The following ALK variants were observed in gnomAD, a reference collection of about 807,000 sequenced individuals.
ALK encodes ALK tyrosine kinase receptor.
ALK carries 74 observed loss-of-function variants against 163.1 expected under a neutral mutation model. That is an observed-to-expected ratio of 0.45 (90% CI 0.38 to 0.55). The LOEUF is 0.55. Ranked by LOEUF, ALK falls within the 20% of genes least tolerant of loss-of-function variation. The pLI, the probability that ALK is intolerant of heterozygous loss-of-function variation, is 0.00. For missense variants in ALK, 2,063 were observed against 2,105.3 expected, an observed-to-expected ratio of 0.98 and a Z score of 0.39; for synonymous variants, 960 against 843.2, an observed-to-expected ratio of 1.14 and a Z score of -2.40.
Position 29,220,748 on chromosome 2 carries a change from C to G in ALK, c.3603G>C (p.Gly1201=), listed in dbSNP as rs775693375. 1.2e-6 allele frequency: 2 copies of G among 1,613,778 alleles called. No homozygotes were observed. Among genetic ancestry groups the G allele is most frequent in the East Asian group, 4.5e-5 (2 of 44,898 alleles). The change falls in exon 23 of 29, where the codon GGG becomes GGC. Residue 1201 remains glycine (G), a synonymous_variant. Transcript: ENST00000389048. ...PRFILLELMA[G]GDLKSFLRET... is the part of the protein sequence containing the mutation. ...CTCGGAGGAAGGACTTGAGGTCTCC[C>G]CCCGCCATGAGCTCCAGCAGGATGA...
At chr2:29,301,260 G>A (rs909985211) in intron 8 of ALK, among the ~76,000 whole-genome samples, 2 of 151,990 alleles carry the variant, frequency 1.3e-5, no homozygotes, top group African/African-American at 4.8e-5. Flanking sequence ...TCCTTTTCAG[G>A]AGGCCTTTTT....
chr2:29,844,305 G>A (rs1362214973), intron 1 of ALK, among the ~76,000 whole-genome samples: 1 of 152,206 alleles, frequency 6.6e-6, no homozygotes, highest in Non-Finnish European at 1.5e-5. Context: ...GATGGGGGCA[G>A]AGAGAATGAG....
At chr2:29,694,378 A>C (rs909866818) in intron 3 of ALK, among the ~76,000 whole-genome samples, 3 of 152,262 alleles carry the variant, frequency 2.0e-5, no homozygotes, top group Non-Finnish European at 4.4e-5. Context: ...CAGATCTGGC[A>C]GTAAAAATAA....
At chr2:29,391,052 G>A (rs377740270) in intron 4 of ALK, among the ~76,000 whole-genome samples, 79 of 152,218 alleles carry the variant, frequency 5.2e-4, no homozygotes, top group African/African-American at 1.8e-3. Flanking sequence ...GGCTCTGTAG[G>A]GGGGGCCAAG....
At chr2:29,657,120 A>G (rs550032167) in intron 3 of ALK, among the ~76,000 whole-genome samples, 1 of 152,184 alleles carries the variant, frequency 6.6e-6, no homozygotes, top group South Asian at 2.1e-4. Context: ...CCTGCCACCC[A>G]CTTCTTGGTG....
intron 4 of ALK, among the ~76,000 whole-genome samples, chr2:29,454,869 A>G: frequency 1.3e-5 from 2 of 152,298 alleles, no homozygotes; most frequent in South Asian, 2.1e-4. Context: ...GTTATATACT[A>G]TTAAAATTAA....
intron 4 of ALK, among the ~76,000 whole-genome samples, chr2:29,397,548 C>G (rs1407674434): frequency 6.6e-6 from 1 of 152,220 alleles, no homozygotes; most frequent in Admixed American, 6.5e-5. Flanking sequence ...TCAAAACCAT[C>G]CCCACTAACT....
intron 1 of ALK, among the ~76,000 whole-genome samples, chr2:29,762,054 A>G (rs184544920): frequency 1.0e-3 from 155 of 152,354 alleles, no homozygotes; most frequent in African/African-American, 3.6e-3. Flanking sequence ...ATTCAAGTCA[A>G]TCGGTAAAGG....
At chr2:29,587,549 T>A (rs1490611879) in intron 3 of ALK, among the ~76,000 whole-genome samples, 2 of 151,364 alleles carry the variant, frequency 1.3e-5, no homozygotes, top group Non-Finnish European at 2.9e-5. Flanking sequence ...TCTTTTTAGT[T>A]CAAGTCACAT....
At chr2:29,751,396 G>A (rs913327764) in intron 1 of ALK, among the ~76,000 whole-genome samples, 6 of 152,114 alleles carry the variant, frequency 3.9e-5, no homozygotes, top group Admixed American at 6.5e-5. Context: ...TTATGAGACC[G>A]CTGATGTATG....
chr2:29,247,218 C>G (rs1199519786), intron 12 of ALK, among the ~76,000 whole-genome samples: 1 of 152,262 alleles, frequency 6.6e-6, no homozygotes, highest in African/African-American at 2.4e-5. Context: ...CTGTAGTTCT[C>G]CCTACACCCC....
chr2:29,397,552 A>G (rs1669340687), intron 4 of ALK, among the ~76,000 whole-genome samples: 1 of 152,184 alleles, frequency 6.6e-6, no homozygotes, highest in South Asian at 2.1e-4. Flanking sequence ...AACCATCCCC[A>G]CTAACTGGAG....
chr2:29,572,684 G>T (rs1038630124), intron 3 of ALK, among the ~76,000 whole-genome samples: 9 of 152,088 alleles, frequency 5.9e-5, no homozygotes, highest in African/African-American at 2.2e-4. Context: ...TCCCTTAAAG[G>T]TGAGGACCAT....
chr2:29,321,287 A>C (rs1667036281), intron 6 of ALK, among the ~76,000 whole-genome samples: 1 of 152,196 alleles, frequency 6.6e-6, no homozygotes, highest in Non-Finnish European at 1.5e-5. Flanking sequence ...AGCCACCATG[A>C]ATGTGACCCC....
intron 4 of ALK, among the ~76,000 whole-genome samples, chr2:29,444,675 A>T (rs982259512): frequency 1.1e-4 from 16 of 152,214 alleles, no homozygotes; most frequent in African/African-American, 3.9e-4. Flanking sequence ...TATTAATGTC[A>T]TATATTTAAA....
At chr2:29,322,691 G>C (rs1053944346) in intron 6 of ALK, among the ~76,000 whole-genome samples, 2 of 152,188 alleles carry the variant, frequency 1.3e-5, no homozygotes, top group Non-Finnish European at 2.9e-5. Flanking sequence ...GAAATTAGCC[G>C]GGTCTGGTGG....
intron 6 of ALK, among the ~76,000 whole-genome samples, chr2:29,324,067 A>G (rs1667168177): frequency 6.6e-6 from 1 of 152,204 alleles, no homozygotes; most frequent in Admixed American, 6.5e-5. Context: ...TGCACCTTAA[A>G]TCTGGAGAAG....
intron 3 of ALK, among the ~76,000 whole-genome samples, chr2:29,535,863 C>T (rs889711422): frequency 1.3e-5 from 2 of 152,186 alleles, no homozygotes; most frequent in Non-Finnish European, 2.9e-5. Context: ...CTCTTCTTCT[C>T]ATAATTCACC....
At chr2:29,729,507 T>TA (rs770332462) in intron 1 of ALK, among the ~76,000 whole-genome samples, 1 of 152,080 alleles carries the variant, frequency 6.6e-6, no homozygotes, top group Non-Finnish European at 1.5e-5. Flanking sequence ...AGTACCACGG[T>TA]AAAAAGGCCA....
Sources: allele counts gnomAD v4.1 joint callset (sites outside exome capture counted in the v4.1 genomes callset), GRCh38; gene constraint gnomAD v4.1.1; transcripts MANE v1.5; gene names NCBI Gene and HGNC (gene_info 2026-07-23, HGNC 2026-07-21).